The following GANAB variants were observed in gnomAD, a reference collection of about 807,000 sequenced individuals.
The protein encoded by GANAB is glucosidase II alpha subunit.
Under a neutral mutation model 129.9 loss-of-function variants are expected in GANAB, and 35 were observed. That is an observed-to-expected ratio of 0.27 (90% CI 0.21 to 0.36). The LOEUF (loss-of-function observed/expected upper bound fraction) is 0.36, where lower values mean the gene tolerates loss of function less well. Among genes scored for constraint, GANAB ranks in the 10% least tolerant of loss-of-function variants. The probability of loss-of-function intolerance (pLI) is 1.00; values close to 1 mark genes in which losing one functional copy is unlikely to be tolerated. For missense variants in GANAB, 939 were observed against 1,221.0 expected (o/e 0.77, Z 3.44); for synonymous variants, 482 against 451.8 (o/e 1.07, Z -0.85).
At chr11:62,630,931 A>C in intron 10 of GANAB, 95 bp from the exon 11 acceptor site, 1 of 1,492,602 alleles carries the variant, frequency 6.7e-7, no homozygotes, top group South Asian at 1.2e-5. Flanking sequence ...GCTGAGGGGT[A>C]TAAACCTAGA....
chr11:62,646,075 A>G (rs1343117240), intron 1 of GANAB, among the ~76,000 whole-genome samples: 1 of 152,210 alleles, frequency 6.6e-6, no homozygotes, highest in Admixed American at 6.5e-5. Context: ...CGTGAAGACA[A>G]GGGCAGAGGA....
chr11:62,634,993 C>G lies in GANAB; in HGVS notation c.388G>C (p.Val130Leu), dbSNP rs1488414599. The G allele has an allele frequency of 2.5e-6, 4 of 1,609,568 alleles. No individual in the cohort carries two copies. The highest frequency in any genetic ancestry group is 1.3e-5 in the African/African-American group (1 of 74,764). ...VADPPIARLSVSGRDENSVEL... is the reference protein window; with the variant it reads ...VADPPIARLSLSGRDENSVEL... ...ACACTGTTCTCATCACGACCAGAGACAGAAAGCCTGGGAAACATATCAAAA... is the reference window on the plus strand; with the variant it reads ...ACACTGTTCTCATCACGACCAGAGAGAGAAAGCCTGGGAAACATATCAAAA... Residue 130 changes from valine (V) to leucine (L), a missense_variant, in exon 5 of 24, where the codon GTC becomes CTC. Transcript: ENST00000356638.
chr11:62,640,457 C>T (rs1407286849), intron 1 of GANAB, among the ~76,000 whole-genome samples: 2 of 138,020 alleles, frequency 1.4e-5, no homozygotes, highest in Admixed American at 1.6e-4. Flanking sequence ...GGCATGAATC[C>T]GGGAGGCAGA....
At position 62,630,927 on chromosome 11, in the gene GANAB, G is replaced by A. The variant is rs965681389; in HGVS notation, c.1151-91C>T. 6 of 1,481,694 alleles carry A rather than the reference G, an allele frequency of 4.0e-6. No homozygotes were observed. The South Asian group carries it at 4.8e-5, about 12-fold the overall frequency. The allele number at this position is 1,481,694 out of a possible 1,614,324, so 91.8% of individuals were successfully genotyped here. On this transcript the variant is annotated intron_variant, in intron 10 of 23. Coordinates refer to ENST00000356638, the MANE Select transcript of GANAB (RefSeq NM_198334.3). ...GCTTGTGAACTAGAGGCAGGCTGAG[G>A]GGTATAAACCTAGAAAACAAGCTGG...
At chr11:62,628,702 T>A in intron 17 of GANAB, 67 bp downstream of exon 17, 1 of 1,533,574 alleles carries the variant, frequency 6.5e-7, no homozygotes, top group Non-Finnish European at 9.0e-7. Context: ...GACCCAGAGA[T>A]GAAGCCCAGT....
In GANAB at chr11:62,625,296, G is replaced by GT. The variant is rs969792175; in HGVS notation, c.*518dup. The GT allele has an allele frequency of 8.8e-6, 4 of 456,422 alleles. No individual in the cohort carries two copies. In the Admixed American group the frequency reaches 9.4e-5, roughly 11 times the overall value. 28.3% of individuals were successfully genotyped at this position (456,422 alleles called of 1,614,324 possible). ...CTTTGATCCATTCATCCTGTCCGGG[G>GT]TAAGGGGTGGTCCCAGTGTATCGGT... On this transcript the variant is annotated 3_prime_UTR_variant, in exon 24 of 24. Transcript: ENST00000356638.
intron 4 of GANAB, among the ~76,000 whole-genome samples, chr11:62,637,666 CA>C (rs1262463578): frequency 2.0e-5 from 3 of 152,086 alleles, no homozygotes; most frequent in African/African-American, 7.2e-5. Context: ...TATATTCATA[CA>C]ACATAATAAT....
At chr11:62,631,303 C>T (rs144158202) in intron 9 of GANAB, 120 bp from the exon 10 acceptor site, 6 of 846,130 alleles carry the variant, frequency 7.1e-6, no homozygotes, top group African/African-American at 6.7e-5. Context: ...AAGCTGCTTT[C>T]GGTAAGACTA....
chr11:62,626,214 A>G, intron 22 of GANAB, 49 bp from the exon 23 acceptor site: 1 of 1,419,938 alleles, frequency 7.0e-7, no homozygotes, highest in Non-Finnish European at 1.0e-6. Context: ...ATAACAGAAC[A>G]GAAGGAAGGA....
Position 62,630,619 on chromosome 11 carries a change from C to A in GANAB, c.1368G>T (p.Leu456Phe). 6.2e-7 allele frequency: 1 copy of A among 1,612,214 alleles called. No individual in the cohort carries two copies. The highest frequency in any genetic ancestry group is 1.1e-5 in the South Asian group (1 of 91,056). ...FPQPRTMLER[L>F]ASKRRKLVAI... is the part of the protein sequence containing the mutation. ...CCCTTACCTTCCGCCTCTTAGAAGCCAAGCGCTCAAGCATGGTGCGGGGCT... is the reference window on the plus strand; with the variant it reads ...CCCTTACCTTCCGCCTCTTAGAAGCAAAGCGCTCAAGCATGGTGCGGGGCT... The change falls in exon 11 of 24, where the codon TTG becomes TTT. Residue 456 changes from leucine (L) to phenylalanine (F), a missense_variant. Leu to Phe is a conservative substitution (Grantham distance 22, BLOSUM62 0). Coordinates refer to ENST00000356638, the MANE Select transcript of GANAB (RefSeq NM_198334.3).
At chr11:62,629,745 G>A in intron 14 of GANAB, 61 bp from the exon 15 acceptor site, 1 of 1,605,352 alleles carries the variant, frequency 6.2e-7, no homozygotes, top group Non-Finnish European at 8.5e-7. Flanking sequence ...TCTGGTGCAA[G>A]TTCCCTAGGC....
At position 62,628,964 on chromosome 11, in the gene GANAB, C is replaced by T; in HGVS notation, c.1985G>A (p.Arg662His). ...FKNPEPELLV[R>H]WYQMGAYQPF... ...CTGGTAAGCACCCATCTGGTACCAG[C>T]GCACAAGCAGCTCTGGCTCTGGGTT... The change falls in exon 17 of 24, where the codon CGC becomes CAC. Residue 662 changes from arginine (R) to histidine (H), a missense_variant. Coordinates refer to ENST00000356638, the MANE Select transcript of GANAB (RefSeq NM_198334.3). 1.2e-6 allele frequency: 2 copies of T among 1,613,846 alleles called. No homozygotes were observed. The highest frequency in any genetic ancestry group is 1.1e-5 in the South Asian group (1 of 91,086).
At chr11:62,635,055 T>C (rs1363012277) in intron 4 of GANAB, 55 bp from the exon 5 acceptor site, 2 of 1,316,758 alleles carry the variant, frequency 1.5e-6, no homozygotes, top group South Asian at 1.2e-5. Context: ...AGAGGAGTAA[T>C]GACACTTTAG....
chr11:62,635,416 G>A (rs1448195174), intron 4 of GANAB, among the ~76,000 whole-genome samples: 5 of 151,992 alleles, frequency 3.3e-5, no homozygotes, highest in Admixed American at 6.6e-5. Context: ...CTGACCTCAG[G>A]TGATCCACCC....
chr11:62,634,245 A>T, intron 5 of GANAB: 1 of 1,116,760 alleles, frequency 9.0e-7, no homozygotes, highest in South Asian at 1.2e-5. Flanking sequence ...CCTCCCCCCA[A>T]AGGCTAGAGT....
intron 5 of GANAB, chr11:62,633,721 G>A (rs1943802404): frequency 1.7e-6 from 1 of 598,552 alleles, no homozygotes; most frequent in Non-Finnish European, 3.0e-6. Context: ...AGGAAAATGA[G>A]GAATAAGTGC....
intron 5 of GANAB, chr11:62,634,423 C>A: frequency 8.1e-7 from 1 of 1,227,936 alleles, no homozygotes; most frequent in Non-Finnish European, 1.2e-6. Context: ...AGGCACAAAA[C>A]CAACACAAAA....
At chr11:62,628,709 C>T in intron 17 of GANAB, 60 bp downstream of exon 17, 1 of 1,567,976 alleles carries the variant, frequency 6.4e-7, no homozygotes, top group Admixed American at 1.7e-5. Flanking sequence ...AGATGAAGCC[C>T]AGTCCCTAAT....
At chr11:62,640,478 A>C (rs1036739434) in intron 1 of GANAB, among the ~76,000 whole-genome samples, 2 of 137,672 alleles carry the variant, frequency 1.5e-5, no homozygotes, top group Non-Finnish European at 3.0e-5. Context: ...ACTTGCAGTG[A>C]GTCAAGATCG....
Sources: allele counts gnomAD v4.1 joint callset (sites outside exome capture counted in the v4.1 genomes callset), GRCh38; gene constraint gnomAD v4.1.1; transcripts MANE v1.5; gene names NCBI Gene and HGNC (gene_info 2026-07-23, HGNC 2026-07-21).